Variants in MSR1 observed in about 807,000 individuals in gnomAD.
MSR1 encodes macrophage scavenger receptor 1.
MSR1 carries 53 observed loss-of-function variants against 47.2 expected under a neutral mutation model. That is an observed-to-expected ratio of 1.12 (90% CI 0.90 to 1.41). The LOEUF (loss-of-function observed/expected upper bound fraction) is 1.41. MSR1 is among the 40% of genes most tolerant of loss of function. The pLI is 0.00. For synonymous variants in MSR1, 239 were observed against 185.6 expected (o/e 1.29, Z -2.34); for missense variants, 786 against 546.9 (o/e 1.44, Z -4.36).
At chr8:16,189,478 T>TA (rs1554476545) in intron 1 of MSR1, among the ~76,000 whole-genome samples, 6 of 89,438 alleles carry the variant, frequency 6.7e-5, no homozygotes, top group African/African-American at 1.3e-4. Context: ...TTTATATATT[T>TA]TATATATAAA....
intron 9 of MSR1, among the ~76,000 whole-genome samples, chr8:16,112,434 C>T (rs1351042295): frequency 1.3e-5 from 2 of 152,066 alleles, no homozygotes; most frequent in Non-Finnish European, 2.9e-5. Flanking sequence ...TAGTGATATT[C>T]ATGGGTTACA....
At chr8:16,131,673 A>G (rs145797830) in intron 8 of MSR1, among the ~76,000 whole-genome samples, 1,869 of 152,010 alleles carry the variant, frequency 0.012, 51 homozygotes, top group African/African-American at 0.043. Flanking sequence ...GTGTAAGGAA[A>G]GAGTTCAGTT....
At chr8:16,142,267 G>T (rs578007127) in intron 8 of MSR1, among the ~76,000 whole-genome samples, 1 of 152,142 alleles carries the variant, frequency 6.6e-6, no homozygotes, top group Non-Finnish European at 1.5e-5. Flanking sequence ...GGAGGTGGAG[G>T]TTGCAGTGAG....
chr8:16,187,114 G>A (rs1802024388), intron 1 of MSR1, among the ~76,000 whole-genome samples: 1 of 151,812 alleles, frequency 6.6e-6, no homozygotes, highest in Non-Finnish European at 1.5e-5. Flanking sequence ...TGTAATTCCT[G>A]CACTTTGGGA....
chr8:16,182,559 C>T (rs1388524095), intron 1 of MSR1, among the ~76,000 whole-genome samples: 4 of 146,574 alleles, frequency 2.7e-5, no homozygotes, highest in African/African-American at 7.4e-5. Context: ...GCTATTTTAA[C>T]TTTTTTTTTT....
At chr8:16,161,312 T>G (rs1801156999) in intron 5 of MSR1, among the ~76,000 whole-genome samples, 1 of 151,900 alleles carries the variant, frequency 6.6e-6, no homozygotes, top group Non-Finnish European at 1.5e-5. Flanking sequence ...ACAAAAAGAC[T>G]GAAAACGCAA....
At chr8:16,178,414 T>C (rs1380063187) in intron 1 of MSR1, among the ~76,000 whole-genome samples, 1 of 152,154 alleles carries the variant, frequency 6.6e-6, no homozygotes, top group Non-Finnish European at 1.5e-5. Flanking sequence ...TTCATCCATG[T>C]CCCTACAAAG....
chr8:16,155,786 G>C (rs1329740895), intron 5 of MSR1, among the ~76,000 whole-genome samples: 1 of 151,888 alleles, frequency 6.6e-6, no homozygotes, highest in East Asian at 1.9e-4. Context: ...GGAAAGGCAG[G>C]AAGGTGAAAA....
At chr8:16,180,261 A>G (rs1801789660) in intron 1 of MSR1, among the ~76,000 whole-genome samples, 1 of 151,834 alleles carries the variant, frequency 6.6e-6, no homozygotes, top group Non-Finnish European at 1.5e-5. Context: ...TTTCCAGCAT[A>G]ATCTCTATTT....
chr8:16,133,047 GT>G (rs1458385976), intron 8 of MSR1, among the ~76,000 whole-genome samples: 11 of 152,036 alleles, frequency 7.2e-5, no homozygotes, highest in African/African-American at 2.7e-4. Context: ...TTTGTTGTTA[GT>G]TTTATGAGGT....
intron 8 of MSR1, among the ~76,000 whole-genome samples, chr8:16,131,847 G>A (rs747180566): frequency 6.6e-6 from 1 of 152,042 alleles, no homozygotes; most frequent in Non-Finnish European, 1.5e-5. Flanking sequence ...GTATGTGTCT[G>A]TTTTTGTACT....
intron 9 of MSR1, among the ~76,000 whole-genome samples, chr8:16,113,741 A>G (rs773527782): frequency 1.4e-4 from 21 of 152,168 alleles, no homozygotes; most frequent in Non-Finnish European, 2.4e-4. Flanking sequence ...TCTACCTTTA[A>G]TATTTCATGA....
intron 3 of MSR1, among the ~76,000 whole-genome samples, chr8:16,172,906 T>C (rs1296639705): frequency 6.6e-6 from 1 of 152,194 alleles, no homozygotes; most frequent in East Asian, 1.9e-4. Flanking sequence ...ATTTTAGGGA[T>C]ATATTCTGTC....
intron 7 of MSR1, among the ~76,000 whole-genome samples, chr8:16,149,973 T>G (rs903600064): frequency 1.3e-5 from 2 of 151,718 alleles, no homozygotes; most frequent in Non-Finnish European, 2.9e-5. Flanking sequence ...TTTCCTCGGG[T>G]GAACAGAAGT....
At chr8:16,166,917 T>C (rs1171501257) in intron 4 of MSR1, among the ~76,000 whole-genome samples, 1 of 143,892 alleles carries the variant, frequency 6.9e-6, no homozygotes, top group African/African-American at 2.6e-5. Context: ...CCAATGTTGT[T>C]TTTCAGTGTA....
chr8:16,116,817 G>A (rs1799886021), intron 9 of MSR1, among the ~76,000 whole-genome samples: 1 of 152,064 alleles, frequency 6.6e-6, no homozygotes, highest in African/African-American at 2.4e-5. Context: ...TAACTCCAGT[G>A]GAAAAATATC....
At chr8:16,181,653 G>T (rs748072753) in intron 1 of MSR1, among the ~76,000 whole-genome samples, 2 of 152,030 alleles carry the variant, frequency 1.3e-5, no homozygotes, top group Non-Finnish European at 2.9e-5. Flanking sequence ...CTGTCAGGGG[G>T]TGGGAGGCAA....
intron 5 of MSR1, among the ~76,000 whole-genome samples, chr8:16,163,432 A>C (rs1801216269): frequency 6.6e-6 from 1 of 151,808 alleles, no homozygotes; most frequent in East Asian, 1.9e-4. Flanking sequence ...AAAATATAGA[A>C]AATCAAAATC....
At chr8:16,126,043 ATTTC>A (rs1424542491) in intron 8 of MSR1, among the ~76,000 whole-genome samples, 1 of 152,120 alleles carries the variant, frequency 6.6e-6, no homozygotes. Context: ...TATAAATATT[ATTTC>A]TTTTCTTTAT....
Sources: allele counts gnomAD v4.1 joint callset (sites outside exome capture counted in the v4.1 genomes callset), GRCh38; gene constraint gnomAD v4.1.1; transcripts MANE v1.5; gene names NCBI Gene and HGNC (gene_info 2026-07-23, HGNC 2026-07-21).